The following PPP1R7 variants were observed in gnomAD, a reference collection of about 807,000 sequenced individuals.
The protein encoded by PPP1R7 is protein phosphatase 1 regulatory subunit 22.
Under a neutral mutation model 45.2 loss-of-function variants are expected in PPP1R7, and 18 were observed. The ratio of observed to expected loss-of-function variants is 0.40; its 90% CI spans 0.28 to 0.59. PPP1R7 has a LOEUF of 0.59. PPP1R7 is among the 20% of genes least tolerant of loss of function. The pLI, the probability that PPP1R7 is intolerant of heterozygous loss-of-function variation, is 0.46. For synonymous variants in PPP1R7, 181 were observed against 183.4 expected (o/e 0.99, Z 0.11); for missense variants, 314 against 455.8 (o/e 0.69, Z 2.83).
intron 1 of PPP1R7, among the ~76,000 whole-genome samples, chr2:241,151,173 T>C (rs762110714): frequency 6.6e-6 from 1 of 152,254 alleles, no homozygotes; most frequent in Non-Finnish European, 1.5e-5. Context: ...TATAATTTTC[T>C]GCATATCTGT....
intron 9 of PPP1R7, among the ~76,000 whole-genome samples, chr2:241,174,493 C>A (rs1042323203): frequency 6.6e-6 from 1 of 152,120 alleles, no homozygotes; most frequent in African/African-American, 2.4e-5. Context: ...CAATCACCAT[C>A]TCAACTCTGT....
At chr2:241,174,507 G>A (rs1019459790) in intron 9 of PPP1R7, among the ~76,000 whole-genome samples, 2 of 151,856 alleles carry the variant, frequency 1.3e-5, no homozygotes, top group Non-Finnish European at 2.9e-5. Flanking sequence ...ACTCTGTGTG[G>A]CCACCAGGCT....
chr2:241,170,170 G>A (rs922344376), intron 9 of PPP1R7, among the ~76,000 whole-genome samples: 1 of 152,232 alleles, frequency 6.6e-6, no homozygotes, highest in Non-Finnish European at 1.5e-5. Context: ...GGTGATTGCA[G>A]TACACACAAA....
At chr2:241,175,179 C>T (rs1027574262) in intron 9 of PPP1R7, among the ~76,000 whole-genome samples, 6 of 152,158 alleles carry the variant, frequency 3.9e-5, no homozygotes, top group Admixed American at 2.6e-4. Flanking sequence ...TGTGGTAAAA[C>T]ATGCATAAAA....
At chr2:241,166,600 G>A (rs754557912) in intron 8 of PPP1R7, among the ~76,000 whole-genome samples, 159 bp downstream of exon 8, 4 of 152,138 alleles carry the variant, frequency 2.6e-5, no homozygotes, top group Non-Finnish European at 5.9e-5. Context: ...AAAAACTAAG[G>A]GACCCTTTCC....
chr2:241,176,384 G>A (rs924530410), intron 9 of PPP1R7, among the ~76,000 whole-genome samples: 1 of 152,116 alleles, frequency 6.6e-6, no homozygotes, highest in African/African-American at 2.4e-5. Context: ...GAAAACTAGG[G>A]TGTTCACAGA....
intron 9 of PPP1R7, among the ~76,000 whole-genome samples, chr2:241,174,515 G>C (rs999460397): frequency 6.6e-6 from 1 of 151,858 alleles, no homozygotes; most frequent in African/African-American, 2.4e-5. Flanking sequence ...TGGCCACCAG[G>C]CTCTGCTTGG....
At chr2:241,151,810 G>C (rs776827522) in intron 1 of PPP1R7, among the ~76,000 whole-genome samples, 1 of 152,016 alleles carries the variant, frequency 6.6e-6, no homozygotes, top group African/African-American at 2.4e-5. Context: ...TCTCCGATAC[G>C]TCCTCCATTC....
intron 9 of PPP1R7, among the ~76,000 whole-genome samples, chr2:241,172,748 C>T (rs1427466836): frequency 1.3e-5 from 2 of 151,264 alleles, no homozygotes; most frequent in Non-Finnish European, 2.9e-5. Context: ...TTGGTATTTC[C>T]CTTCCACCTG....
At chr2:241,171,381 A>G (rs1322421801) in intron 9 of PPP1R7, among the ~76,000 whole-genome samples, 1 of 152,210 alleles carries the variant, frequency 6.6e-6, no homozygotes, top group Non-Finnish European at 1.5e-5. Context: ...CTCCATTCTG[A>G]TCCAATTATC....
chr2:241,149,848 G>A, upstream of PPP1R7: 1 of 1,479,740 alleles, frequency 6.8e-7, no homozygotes, highest in South Asian at 1.3e-5. Flanking sequence ...ACTTGCAAGG[G>A]GAGCCCAGCT....
Position 241,159,359 on chromosome 2 carries a change from C to T in PPP1R7, c.434+16C>T. The T allele has an allele frequency of 6.2e-7, 1 of 1,610,620 alleles. No homozygotes were observed. The highest frequency in any genetic ancestry group is 8.5e-7 in the Non-Finnish European group (1 of 1,178,038). On this transcript the variant is annotated intron_variant, in intron 5 of 9. Transcript: ENST00000234038. The stretch of plus-strand genomic sequence containing the variant: ...CAGAGCTGGAGTGAGTCATGAGACC[C>T]ACAGGAGAACAGCATGGTGGGAAGG...
At chr2:241,172,431 G>T (rs1301186854) in intron 9 of PPP1R7, among the ~76,000 whole-genome samples, 1 of 152,134 alleles carries the variant, frequency 6.6e-6, no homozygotes, top group African/African-American at 2.4e-5. Context: ...GATCACCTGA[G>T]ATCAGGAGTT....
chr2:241,169,682 C>T, intron 8 of PPP1R7, 99 bp from the exon 9 acceptor site: 1 of 970,406 alleles, frequency 1.0e-6, no homozygotes, highest in East Asian at 2.4e-5. Flanking sequence ...GGGCAGTGCA[C>T]CTGCAGCCCT....
intron 2 of PPP1R7, among the ~76,000 whole-genome samples, chr2:241,154,146 C>T (rs1010344960): frequency 1.5e-5 from 2 of 131,914 alleles, no homozygotes; most frequent in African/African-American, 5.8e-5. Context: ...CACCACTGCA[C>T]TCCAGCCTAG....
rs1352662985 is a variant in PPP1R7, at chr2:241,182,943, T to C, written c.*120T>C. ...TCAACAGTCACAAACCCAATGGCAA[T>C]AAAGGCACTGACGATAGCTGGCGCG... On this transcript the variant is annotated 3_prime_UTR_variant, in exon 10 of 10. Coordinates refer to ENST00000234038, the MANE Select transcript of PPP1R7 (RefSeq NM_002712.3). 16 of 1,192,904 alleles carry C rather than the reference T, an allele frequency of 1.3e-5. No homozygotes were observed. The highest frequency in any genetic ancestry group is 1.7e-5 in the Non-Finnish European group (15 of 865,188). 73.9% of individuals were successfully genotyped at this position (1,192,904 alleles called of 1,614,324 possible).
chr2:241,164,237 C>G (rs77522688), intron 7 of PPP1R7, among the ~76,000 whole-genome samples: 2,259 of 152,258 alleles, frequency 0.015, 84 homozygotes, highest in East Asian at 0.1. Flanking sequence ...CCTCCCCCTT[C>G]TGCCCCAGTA....
intron 3 of PPP1R7, 71 bp from the exon 4 acceptor site, chr2:241,158,413 G>A (rs572806839): frequency 1.4e-5 from 21 of 1,485,010 alleles, no homozygotes; most frequent in South Asian, 7.9e-5. Context: ...CTTCCAGGCC[G>A]CCTCTTCTAG....
intron 2 of PPP1R7, among the ~76,000 whole-genome samples, chr2:241,154,193 AAAAAAAAAAAAG>A (rs1185557159): frequency 6.6e-6 from 1 of 151,398 alleles, no homozygotes; most frequent in Non-Finnish European, 1.5e-5. Context: ...AAAAAAAAAA[AAAAAAAAAAAAG>A]GAAAAAGAAA....
Sources: allele counts gnomAD v4.1 joint callset (sites outside exome capture counted in the v4.1 genomes callset), GRCh38; gene constraint gnomAD v4.1.1; transcripts MANE v1.5; gene names NCBI Gene and HGNC (gene_info 2026-07-23, HGNC 2026-07-21).